Variants in NLN observed in about 807,000 individuals in gnomAD.
NLN encodes neurolysin.
In NLN, 64 loss-of-function variants were observed where a neutral mutation model predicts 79.9. The observed-to-expected ratio is 0.80, with a 90% CI of 0.65 to 0.99. NLN has a LOEUF of 0.99. Among genes scored for constraint, NLN ranks in the 50% least tolerant of loss-of-function variants. NLN has a pLI of 0.00. For synonymous variants in NLN, 267 were observed against 296.6 expected (o/e 0.90, Z 1.02); for missense variants, 835 against 858.7 (o/e 0.97, Z 0.34).
rs543818959 is a variant in NLN at position 65,735,952 on chromosome 5, T to C, written c.41+13538T>C. The stretch of plus-strand genomic sequence containing the variant: ...ATTTATCTTAAGAGTTATGAAATAT[T>C]ATACACAAAAAATGTAATGCATATA... On this transcript the variant is annotated intron_variant, in intron 1 of 12. Coordinates refer to ENST00000380985, the MANE Select transcript of NLN (RefSeq NM_020726.5). Among the ~76,000 whole-genome samples, 413 of 152,256 alleles carry C rather than the reference T, an allele frequency of 2.7e-3. 4 individuals carry two copies. Among genetic ancestry groups the C allele is most frequent in the Non-Finnish European group, 4.6e-3 (311 of 68,018 alleles).
intron 1 of NLN, among the ~76,000 whole-genome samples, chr5:65,748,680 G>A (rs148211858): frequency 3.2e-4 from 49 of 152,068 alleles, no homozygotes; most frequent in African/African-American, 1.1e-3. Context: ...TTAAGCCCAG[G>A]AAGTTGAGGC....
chr5:65,772,860 A>G (rs1249806476), intron 3 of NLN, among the ~76,000 whole-genome samples: 1 of 150,772 alleles, frequency 6.6e-6, no homozygotes, highest in African/African-American at 2.4e-5. Flanking sequence ...CCTCCCAAGT[A>G]GCTGGGACTA....
rs922589319 is a variant in NLN, at chr5:65,818,387, AC to A, written c.1981-4387del. 2.7e-5 allele frequency among the ~76,000 whole-genome samples: 4 copies of A among 149,802 alleles called. No homozygotes were observed. In the East Asian group the frequency reaches 5.9e-4, roughly 22 times the overall value. On this transcript the variant is annotated intron_variant, in intron 12 of 12. Transcript: ENST00000380985. ...TTTCTCCATCCGCTTCCACTTCTCT[AC>A]CCCCCCATACATACTCCTACCCAGT...
chr5:65,774,970 C>T (rs1759649187), intron 3 of NLN, among the ~76,000 whole-genome samples: 1 of 152,036 alleles, frequency 6.6e-6, no homozygotes, highest in African/African-American at 2.4e-5. Context: ...AGTAATCCGT[C>T]CAATTCGGCC....
At chr5:65,731,336 G>A (rs1758602252) in intron 1 of NLN, among the ~76,000 whole-genome samples, 1 of 152,200 alleles carries the variant, frequency 6.6e-6, no homozygotes, top group South Asian at 2.1e-4. Flanking sequence ...ATCTCTTGAT[G>A]GGTAGAACAG....
chr5:65,798,945 A>G (rs887819864), intron 9 of NLN, among the ~76,000 whole-genome samples: 3 of 152,150 alleles, frequency 2.0e-5, no homozygotes, highest in African/African-American at 7.2e-5. Flanking sequence ...CAGTGGCACA[A>G]TCATGGCTCA....
chr5:65,745,513 A>G (rs1758957894), intron 1 of NLN, among the ~76,000 whole-genome samples: 1 of 152,230 alleles, frequency 6.6e-6, no homozygotes, highest in African/African-American at 2.4e-5. Flanking sequence ...ACTTCTCTGT[A>G]GCCAGTAAAT....
intron 1 of NLN, among the ~76,000 whole-genome samples, chr5:65,737,403 CA>C (rs918034308): frequency 2.0e-5 from 3 of 152,148 alleles, no homozygotes; most frequent in African/African-American, 7.2e-5. Context: ...TTCCATAGTA[CA>C]AACATTATTA....
intron 3 of NLN, among the ~76,000 whole-genome samples, chr5:65,764,204 T>G (rs1253807840): frequency 1.3e-5 from 2 of 152,236 alleles, no homozygotes; most frequent in African/African-American, 4.8e-5. Flanking sequence ...TAAGTTCTTA[T>G]TTGGAATAAT....
chr5:65,781,202 T>C, intron 5 of NLN, 59 bp from the exon 6 acceptor site: 1 of 1,111,158 alleles, frequency 9.0e-7, no homozygotes, highest in South Asian at 1.4e-5. Flanking sequence ...ACCATGCCAA[T>C]ACTAAATAAA....
chr5:65,787,221 T>A (rs868009281), intron 7 of NLN, among the ~76,000 whole-genome samples: 2 of 150,266 alleles, frequency 1.3e-5, no homozygotes, highest in Non-Finnish European at 2.9e-5. Flanking sequence ...ACTCACTCAC[T>A]CTCTCTCTCT....
Position 65,825,470 on chromosome 5 carries a change from G to A in NLN, c.*2555G>A, listed in dbSNP as rs906982184. 6 of 152,006 alleles carry A rather than the reference G, an allele frequency of 3.9e-5. No homozygotes were observed. The highest frequency in any genetic ancestry group is 1.5e-4 in the African/African-American group (6 of 41,374). The allele number at this position is 152,006 out of a possible 1,614,324, so 9.4% of individuals were successfully genotyped here. On this transcript the variant is annotated 3_prime_UTR_variant, in exon 13 of 13. Transcript: ENST00000380985. ...AACATCTTATGCAAATGGATAGTAG[G>A]CATGATCCTAAAGGTTTAGTTTTAC... is the stretch of plus-strand genomic sequence containing the variant.
intron 7 of NLN, 37 bp downstream of exon 7, chr5:65,785,947 A>G: frequency 6.3e-7 from 1 of 1,597,966 alleles, no homozygotes; most frequent in Non-Finnish European, 8.5e-7. Flanking sequence ...CTGTTTTGCT[A>G]TACCATGTCA....
At chr5:65,746,167 C>T (rs1355749289) in intron 1 of NLN, among the ~76,000 whole-genome samples, 1 of 151,944 alleles carries the variant, frequency 6.6e-6, no homozygotes, top group East Asian at 1.9e-4. Flanking sequence ...GAAAAGAGGC[C>T]ATAGAACTGA....
rs373205728 is a variant in NLN, at chr5:65,793,047, A to G, written c.1527+392A>G. On this transcript the variant is annotated intron_variant, in intron 9 of 12. Transcript: ENST00000380985. ...ACTTTAGTGGTTTTTCAATCCTCTT[A>G]GACCCTTTACTCATTTTTAAATAAT... 2.6e-3 allele frequency: 832 copies of G among 318,088 alleles called. 6 individuals carry two copies. Among genetic ancestry groups the G allele is most frequent in the Middle Eastern group, 0.015 (13 of 866 alleles). 19.7% of individuals were successfully genotyped at this position (318,088 alleles called of 1,614,324 possible). A position where few individuals can be genotyped will look rare whatever the true frequency, so the allele number is the denominator to read the frequency against.
chr5:65,763,014 G>A lies in NLN; in HGVS notation c.356G>A (p.Arg119Gln), dbSNP rs377660105. 38 of 1,613,796 alleles carry A rather than the reference G, an allele frequency of 2.4e-5. No homozygotes were observed. Among genetic ancestry groups the A allele is most frequent in the Admixed American group, 1.3e-4 (8 of 59,986 alleles). Reference protein sequence around the residue: ...PQHVSSDKEVRAASTEADKRL... With the variant: ...PQHVSSDKEVQAASTEADKRL... ...CATGTATCCTCTGACAAAGAAGTAC[G>A]AGCAGCAAGTACAGAAGCAGACAAA... is the stretch of plus-strand genomic sequence containing the variant. Residue 119 changes from arginine (R) to glutamine (Q), a missense_variant, in exon 3 of 13, where the codon CGA (arginine) becomes CAA (glutamine). Arg to Gln is a conservative substitution (Grantham distance 43). Coordinates refer to ENST00000380985, the MANE Select transcript of NLN (RefSeq NM_020726.5).
chr5:65,742,427 A>G (rs994173402), intron 1 of NLN, among the ~76,000 whole-genome samples: 1 of 152,150 alleles, frequency 6.6e-6, no homozygotes, highest in Non-Finnish European at 1.5e-5. Flanking sequence ...TTTCAATACA[A>G]AAAAGAGACT....
chr5:65,764,092 C>T (rs1340158207), intron 3 of NLN, among the ~76,000 whole-genome samples: 3 of 151,970 alleles, frequency 2.0e-5, no homozygotes, highest in African/African-American at 7.2e-5. Context: ...TTATTTCATC[C>T]CCAAATTACA....
At chr5:65,770,201 C>T in intron 3 of NLN, among the ~76,000 whole-genome samples, 1 of 152,124 alleles carries the variant, frequency 6.6e-6, no homozygotes, top group East Asian at 1.9e-4. Flanking sequence ...GGCTAATAAA[C>T]TTGACTATGT....
Sources: gnomAD v4.1 joint callset for allele counts (sites outside exome capture counted in the v4.1 genomes callset) on GRCh38, gnomAD v4.1.1 for gene constraint, MANE v1.5 for transcripts, NCBI Gene and HGNC (gene_info 2026-07-23, HGNC 2026-07-21) for gene names.